The following PTPRD variants were observed in gnomAD, a reference collection of about 807,000 sequenced individuals.
PTPRD encodes the protein protein tyrosine phosphatase receptor type D.
Under a neutral mutation model 214.5 loss-of-function variants are expected in PTPRD, and 34 were observed. The observed-to-expected ratio is 0.16, with a 90% CI of 0.12 to 0.21. PTPRD has a LOEUF of 0.21. Among genes scored for constraint, PTPRD ranks in the 10% least tolerant of loss-of-function variants. The pLI is 1.00. For missense variants in PTPRD, 2,545 were observed against 2,398.7 expected (o/e 1.06, Z -1.27); for synonymous variants, 1,128 against 845.7 (o/e 1.33, Z -5.79).
intron 8 of PTPRD, among the ~76,000 whole-genome samples, chr9:9,399,805 C>T (rs1034228052): frequency 6.6e-6 from 1 of 151,998 alleles, no homozygotes; most frequent in African/African-American, 2.4e-5. Flanking sequence ...CTGAAGCCTC[C>T]CCAGCCATGT....
intron 4 of PTPRD, among the ~76,000 whole-genome samples, chr9:9,971,684 G>A (rs924122350): frequency 1.1e-4 from 16 of 152,116 alleles, no homozygotes; most frequent in Non-Finnish European, 2.2e-4. Context: ...CTGGTTTGGT[G>A]GTGGCTGTGC....
At chr9:9,996,620 T>C (rs2096131212) in intron 4 of PTPRD, among the ~76,000 whole-genome samples, 1 of 152,196 alleles carries the variant, frequency 6.6e-6, no homozygotes, top group Non-Finnish European at 1.5e-5. Flanking sequence ...TTGCTAAGTA[T>C]TGAAGTTGTG....
At chr9:10,303,240 T>C (rs958270803) in intron 3 of PTPRD, among the ~76,000 whole-genome samples, 5 of 152,154 alleles carry the variant, frequency 3.3e-5, no homozygotes, top group Non-Finnish European at 5.9e-5. Flanking sequence ...TGTACCAGAA[T>C]CTCTGGGACA....
At chr9:8,385,540 C>T (rs552837778) in intron 37 of PTPRD, among the ~76,000 whole-genome samples, 5 of 152,014 alleles carry the variant, frequency 3.3e-5, no homozygotes, top group Admixed American at 6.6e-5. Flanking sequence ...ACGAGTGAAC[C>T]AGGCTGTGGC....
intron 2 of PTPRD, among the ~76,000 whole-genome samples, chr9:10,471,647 A>G (rs1416129164): frequency 1.3e-5 from 2 of 152,292 alleles, no homozygotes; most frequent in South Asian, 4.1e-4. Context: ...GTGCTAAAAC[A>G]TAATTTTATT....
intron 9 of PTPRD, among the ~76,000 whole-genome samples, chr9:9,275,199 TTATA>T (rs1188297359): frequency 9.6e-5 from 1 of 10,394 alleles, no homozygotes; most frequent in African/African-American, 2.4e-4. Flanking sequence ...TATATATATA[TTATA>T]TATATATATA....
intron 4 of PTPRD, among the ~76,000 whole-genome samples, chr9:9,975,573 A>C (rs751027601): frequency 6.6e-6 from 1 of 152,218 alleles, no homozygotes; most frequent in Non-Finnish European, 1.5e-5. Context: ...CGTGAAACAG[A>C]GTACGTATTT....
At chr9:8,329,270 C>T (rs1378155114) in intron 44 of PTPRD, among the ~76,000 whole-genome samples, 1 of 152,126 alleles carries the variant, frequency 6.6e-6, no homozygotes, top group Non-Finnish European at 1.5e-5. Context: ...TTCTAACAAA[C>T]ACCCAGGCCT....
At chr9:10,478,798 T>G (rs2099079064) in intron 2 of PTPRD, among the ~76,000 whole-genome samples, 2 of 151,676 alleles carry the variant, frequency 1.3e-5, no homozygotes, top group South Asian at 4.1e-4. Flanking sequence ...CAAATTCTAT[T>G]GCCTATGGAT....
At chr9:9,456,165 ACT>A (rs1468894310) in intron 8 of PTPRD, among the ~76,000 whole-genome samples, 1 of 151,888 alleles carries the variant, frequency 6.6e-6, no homozygotes, top group Non-Finnish European at 1.5e-5. Flanking sequence ...AATTATAACA[ACT>A]GAGGCATGTT....
At chr9:9,006,895 A>G (rs1192433574) in intron 11 of PTPRD, among the ~76,000 whole-genome samples, 1 of 152,038 alleles carries the variant, frequency 6.6e-6, no homozygotes, top group African/African-American at 2.4e-5. Flanking sequence ...TCATATTTAC[A>G]TTTAATACAG....
chr9:10,391,686 G>C (rs1176303777), intron 2 of PTPRD, among the ~76,000 whole-genome samples: 5 of 151,644 alleles, frequency 3.3e-5, no homozygotes, highest in Non-Finnish European at 7.4e-5. Context: ...CTTCTAGTGG[G>C]TTCCCCAGAA....
chr9:9,387,275 G>T (rs1177049676), intron 9 of PTPRD, among the ~76,000 whole-genome samples: 1 of 152,138 alleles, frequency 6.6e-6, no homozygotes, highest in African/African-American at 2.4e-5. Flanking sequence ...ATACAAGTTG[G>T]TTTTTCAGAT....
At chr9:10,216,615 T>C (rs2099542255) in intron 3 of PTPRD, among the ~76,000 whole-genome samples, 1 of 152,024 alleles carries the variant, frequency 6.6e-6, no homozygotes. Flanking sequence ...ACAATGATGT[T>C]TCTCCTATAA....
At chr9:9,310,439 C>A (rs1958576352) in intron 9 of PTPRD, among the ~76,000 whole-genome samples, 1 of 152,074 alleles carries the variant, frequency 6.6e-6, no homozygotes, top group Non-Finnish European at 1.5e-5. Context: ...CTGGCCTGTA[C>A]TATCTACAAG....
chr9:9,153,156 A>G (rs1397875111), intron 10 of PTPRD, among the ~76,000 whole-genome samples: 1 of 152,198 alleles, frequency 6.6e-6, no homozygotes, highest in Non-Finnish European at 1.5e-5. Context: ...TAAACCTGTA[A>G]CTCAGCCAGT....
At chr9:9,984,515 T>A (rs911462474) in intron 4 of PTPRD, among the ~76,000 whole-genome samples, 3 of 152,086 alleles carry the variant, frequency 2.0e-5, no homozygotes, top group African/African-American at 4.8e-5. Context: ...GAGTGCAGAT[T>A]GGACGCAGGT....
intron 4 of PTPRD, among the ~76,000 whole-genome samples, chr9:9,959,542 G>C (rs908508538): frequency 1.3e-5 from 2 of 152,246 alleles, no homozygotes; most frequent in South Asian, 2.1e-4. Flanking sequence ...ACTTCCTATG[G>C]CAAGAGAATC....
intron 2 of PTPRD, among the ~76,000 whole-genome samples, chr9:10,491,883 G>T (rs1283964574): frequency 2.0e-5 from 3 of 151,898 alleles, no homozygotes; most frequent in African/African-American, 7.3e-5. Context: ...CCCACAACAG[G>T]CCCCAGTGTG....
Sources: allele counts gnomAD v4.1 joint callset (sites outside exome capture counted in the v4.1 genomes callset), GRCh38; gene constraint gnomAD v4.1.1; transcripts MANE v1.5; gene names NCBI Gene and HGNC (gene_info 2026-07-23, HGNC 2026-07-21).